Variants in PPP2R5A observed in about 807,000 individuals in gnomAD.
PPP2R5A encodes the protein protein phosphatase 2 regulatory subunit B'alpha.
PPP2R5A carries 25 observed loss-of-function variants against 64.2 expected under a neutral mutation model. That is an observed-to-expected ratio of 0.39 (90% CI 0.28 to 0.54). The LOEUF is 0.54. Ranked by LOEUF, PPP2R5A falls within the 20% of genes least tolerant of loss-of-function variation. The pLI is 0.67. For missense variants in PPP2R5A, 425 were observed against 576.3 expected, an observed-to-expected ratio of 0.74 and a Z score of 2.69; for synonymous variants, 198 against 201.2, an observed-to-expected ratio of 0.98 and a Z score of 0.13.
At chr1:212,352,525 C>T (rs1394468245) in intron 8 of PPP2R5A, among the ~76,000 whole-genome samples, 5 of 151,728 alleles carry the variant, frequency 3.3e-5, no homozygotes, top group Non-Finnish European at 7.4e-5. Context: ...TTGTGGCTGA[C>T]GGCAGCCCTG....
chr1:212,302,206 C>T, intron 1 of PPP2R5A: 1 of 966,510 alleles, frequency 1.0e-6, no homozygotes, highest in Non-Finnish European at 1.5e-6. Flanking sequence ...AGCAAAACCA[C>T]ATTACAGGGG....
chr1:212,286,149 C>T lies in PPP2R5A; in HGVS notation c.39C>T (p.Ala13=). 1.3e-6 allele frequency: 2 copies of T among 1,587,662 alleles called. No individual in the cohort carries two copies. The highest frequency in any genetic ancestry group is 1.7e-6 in the Non-Finnish European group (2 of 1,169,138). ...SSSPPAGAAS[A]AISASEKVDG... is the part of the protein sequence containing the mutation. The stretch of plus-strand genomic sequence containing the variant: ...CGCCGCCGGCGGGGGCTGCCAGCGC[C>T]GCCATCTCGGCCTCGGAGAAAGTGG... Residue 13 remains alanine, a synonymous_variant, in exon 1 of 13, where the codon GCC becomes GCT. Coordinates refer to ENST00000261461, the MANE Select transcript of PPP2R5A (RefSeq NM_006243.4).
rs1243472851 is a variant in PPP2R5A, at chr1:212,342,058, A to G, written c.481-130A>G. 1.3e-5 allele frequency: 17 copies of G among 1,338,014 alleles called. 1 individual carries two copies. The highest frequency in any genetic ancestry group is 1.6e-5 in the Non-Finnish European group (16 of 1,015,642). The allele number at this position is 1,338,014 out of a possible 1,614,324, so 82.9% of individuals were successfully genotyped here. A position where few individuals can be genotyped will look rare whatever the true frequency, so the allele number is the denominator to read the frequency against. On this transcript the variant is annotated intron_variant, in intron 3 of 12. Transcript: ENST00000261461. ...AAAAAATTTTTTTTATCAACTCATT[A>G]CATTTTATAATGAGATCTGAAATCT...
At chr1:212,336,692 G>A (rs988359692) in intron 3 of PPP2R5A, among the ~76,000 whole-genome samples, 3 of 152,148 alleles carry the variant, frequency 2.0e-5, no homozygotes, top group African/African-American at 7.2e-5. Context: ...ATCATCTTGA[G>A]TGTTTTTAGA....
chr1:212,306,496 T>C (rs1003231173), intron 1 of PPP2R5A, among the ~76,000 whole-genome samples: 1 of 152,208 alleles, frequency 6.6e-6, no homozygotes, highest in Non-Finnish European at 1.5e-5. Flanking sequence ...ATTTAAGATA[T>C]GAGACAAAAG....
At chr1:212,312,923 TA>T (rs1262077354) in intron 1 of PPP2R5A, among the ~76,000 whole-genome samples, 7 of 152,154 alleles carry the variant, frequency 4.6e-5, no homozygotes, top group East Asian at 1.9e-4. Context: ...GGTTTTACAT[TA>T]AAAAAATGAT....
chr1:212,292,086 T>G (rs141182588), intron 1 of PPP2R5A, among the ~76,000 whole-genome samples: 108 of 152,368 alleles, frequency 7.1e-4, no homozygotes, highest in African/African-American at 2.6e-3. Flanking sequence ...TACTGCGTTT[T>G]TGGTCATGCC....
chr1:212,309,758 A>G (rs78395777), intron 1 of PPP2R5A, among the ~76,000 whole-genome samples: 1 of 152,104 alleles, frequency 6.6e-6, no homozygotes, highest in Non-Finnish European at 1.5e-5. Flanking sequence ...CCTGGGCCAC[A>G]TTGGAAGAAT....
chr1:212,319,810 G>C (rs1313303601), intron 1 of PPP2R5A, among the ~76,000 whole-genome samples: 3 of 151,160 alleles, frequency 2.0e-5, no homozygotes, highest in African/African-American at 7.3e-5. Flanking sequence ...TTTAGTAGAG[G>C]TGGGGTTTCA....
chr1:212,330,820 TG>T (rs1331839680), intron 2 of PPP2R5A, among the ~76,000 whole-genome samples: 6 of 152,094 alleles, frequency 3.9e-5, no homozygotes, highest in Non-Finnish European at 5.9e-5. Context: ...TTGTTGGGTT[TG>T]TTTTTTTTCC....
intron 1 of PPP2R5A, 136 bp downstream of exon 1, chr1:212,286,427 T>C: frequency 1.0e-6 from 1 of 974,526 alleles, no homozygotes; most frequent in Admixed American, 4.0e-5. Flanking sequence ...TTCCCCACAA[T>C]GCCTTGGCGT....
intron 11 of PPP2R5A, 55 bp from the exon 12 acceptor site, chr1:212,358,631 C>T: frequency 7.7e-7 from 1 of 1,297,554 alleles, no homozygotes; most frequent in East Asian, 2.4e-5. Context: ...CATAGTGTTA[C>T]ATTTCCTCTC....
intron 8 of PPP2R5A, among the ~76,000 whole-genome samples, chr1:212,349,994 C>A (rs771521684): frequency 2.6e-5 from 4 of 152,156 alleles, no homozygotes; most frequent in Admixed American, 2.0e-4. Flanking sequence ...TAGGTTGGTA[C>A]AAAAGTGATT....
chr1:212,331,598 G>A (rs992170243), intron 2 of PPP2R5A: 4 of 151,936 alleles, frequency 2.6e-5, no homozygotes, highest in African/African-American at 9.7e-5. Flanking sequence ...ACTTCTTCAA[G>A]TTTTTTTTAT....
chr1:212,311,056 A>G (rs1162814869), intron 1 of PPP2R5A, among the ~76,000 whole-genome samples: 1 of 152,202 alleles, frequency 6.6e-6, no homozygotes, highest in Non-Finnish European at 1.5e-5. Context: ...GTCCCAAAAT[A>G]TTACAGTGGA....
chr1:212,333,570 C>G lies in PPP2R5A; in HGVS notation c.452C>G (p.Thr151Arg), dbSNP rs182683116. ...PDFDPEEDEPTLEASWPHIQL... is the reference protein window; with the variant it reads ...PDFDPEEDEPRLEASWPHIQL... Reference sequence around the variant, plus strand: ...TTTGATCCAGAAGAGGATGAACCCACGCTTGAGGCCTCTTGGCCTCACATA... The same window carrying G: ...TTTGATCCAGAAGAGGATGAACCCAGGCTTGAGGCCTCTTGGCCTCACATA... Residue 151 changes from threonine (T) to arginine (R), a missense_variant, in exon 3 of 13, where the codon ACG becomes AGG. This residue lies in a region of PPP2R5A where 140 missense variants were observed against 204.4 expected (regional missense o/e 0.68). Coordinates refer to ENST00000261461, the MANE Select transcript of PPP2R5A (RefSeq NM_006243.4). 6.3e-7 allele frequency: 1 copy of G among 1,583,034 alleles called. No homozygotes were observed. The highest frequency in any genetic ancestry group is 8.6e-7 in the Non-Finnish European group (1 of 1,158,662).
chr1:212,336,415 C>A (rs1045175863), intron 3 of PPP2R5A, among the ~76,000 whole-genome samples: 2 of 151,992 alleles, frequency 1.3e-5, no homozygotes, highest in Admixed American at 6.6e-5. Context: ...GTGTCCAGCC[C>A]AAAATACGAT....
intron 11 of PPP2R5A, chr1:212,358,467 A>C (rs1026183640): frequency 6.3e-6 from 2 of 315,762 alleles, no homozygotes; most frequent in Admixed American, 9.9e-5. Flanking sequence ...TAATGTAAGC[A>C]TGATAAAATG....
At chr1:212,306,322 G>C (rs952055701) in intron 1 of PPP2R5A, among the ~76,000 whole-genome samples, 7 of 148,716 alleles carry the variant, frequency 4.7e-5, no homozygotes, top group Non-Finnish European at 7.5e-5. Context: ...TTTAACAAAG[G>C]CAAGAAGGGA....
Sources: allele counts gnomAD v4.1 joint callset (sites outside exome capture counted in the v4.1 genomes callset), GRCh38; gene constraint gnomAD v4.1.1; regional missense constraint gnomAD v4.1.1; transcripts MANE v1.5; gene names NCBI Gene and HGNC (gene_info 2026-07-23, HGNC 2026-07-21).